ENOX1: variants seen among roughly 807,000 people sequenced by gnomAD.
The protein encoded by ENOX1 is candidate growth-related and time keeping constitutive hydroquinone (NADH) oxidase.
A neutral mutation model predicts 82.5 loss-of-function variants in ENOX1; 42 were observed. The ratio of observed to expected loss-of-function variants is 0.51; its 90% CI spans 0.40 to 0.66. The LOEUF is 0.66. ENOX1 is among the 30% of genes least tolerant of loss of function. The probability of loss-of-function intolerance (pLI) is 0.00; values close to 1 mark genes in which losing one functional copy is unlikely to be tolerated. For missense variants in ENOX1, 608 were observed against 811.6 expected (o/e 0.75, Z 3.05); for synonymous variants, 271 against 282.2 (o/e 0.96, Z 0.40).
At chr13:43,569,571 C>T (rs2080079828) in intron 2 of ENOX1, among the ~76,000 whole-genome samples, 1 of 152,062 alleles carries the variant, frequency 6.6e-6, no homozygotes, top group South Asian at 2.1e-4. Context: ...GAAGGGTCCC[C>T]TGGCATTACT....
chr13:43,293,048 T>C (rs2046090396), intron 12 of ENOX1, among the ~76,000 whole-genome samples: 4 of 145,510 alleles, frequency 2.7e-5, no homozygotes, highest in South Asian at 2.3e-4. Context: ...ACCTTCACCA[T>C]CACAGCCACC....
At chr13:43,379,066 C>T (rs2051845338) in intron 5 of ENOX1, among the ~76,000 whole-genome samples, 1 of 152,042 alleles carries the variant, frequency 6.6e-6, no homozygotes, top group Non-Finnish European at 1.5e-5. Flanking sequence ...AAAACATAGG[C>T]AACATCTAGA....
intron 2 of ENOX1, among the ~76,000 whole-genome samples, chr13:43,610,904 TC>T (rs2082173148): frequency 6.6e-6 from 1 of 152,218 alleles, no homozygotes; most frequent in Admixed American, 6.5e-5. Context: ...TGTAAGAATT[TC>T]AACTGACAGT....
chr13:43,374,399 C>T (rs948025022), intron 5 of ENOX1, among the ~76,000 whole-genome samples: 1 of 151,836 alleles, frequency 6.6e-6, no homozygotes, highest in South Asian at 2.1e-4. Context: ...GTGTGTGCCA[C>T]CACACCTGGC....
chr13:43,691,278 C>T (rs1161525632), intron 1 of ENOX1, among the ~76,000 whole-genome samples: 2 of 152,072 alleles, frequency 1.3e-5, no homozygotes, highest in African/African-American at 4.8e-5. Flanking sequence ...TTCTCTCCCC[C>T]ACCACCCCTA....
chr13:43,232,895 C>A (rs1029010460), intron 15 of ENOX1, among the ~76,000 whole-genome samples: 2 of 152,112 alleles, frequency 1.3e-5, no homozygotes, highest in Non-Finnish European at 2.9e-5. Context: ...TAGAGTGATA[C>A]GGACCCAGAG....
At chr13:43,526,487 C>T (rs2077996482) in intron 2 of ENOX1, among the ~76,000 whole-genome samples, 2 of 151,742 alleles carry the variant, frequency 1.3e-5, no homozygotes, top group African/African-American at 4.8e-5. Flanking sequence ...TTCTAAAATA[C>T]TGAAAAAAAA....
chr13:43,288,646 G>T (rs901378433), intron 12 of ENOX1, among the ~76,000 whole-genome samples: 1 of 152,090 alleles, frequency 6.6e-6, no homozygotes, highest in Non-Finnish European at 1.5e-5. Flanking sequence ...ATATATTAAA[G>T]ATATTAGGAT....
chr13:43,225,346 A>G (rs1366874445), intron 15 of ENOX1, among the ~76,000 whole-genome samples: 2 of 152,154 alleles, frequency 1.3e-5, no homozygotes, highest in African/African-American at 4.8e-5. Flanking sequence ...GTTCAGTCAT[A>G]CCCCAAACCT....
chr13:43,370,520 A>G (rs2051164733), intron 5 of ENOX1, among the ~76,000 whole-genome samples: 1 of 152,152 alleles, frequency 6.6e-6, no homozygotes, highest in South Asian at 2.1e-4. Flanking sequence ...TTAGGCTGGA[A>G]GCTCATGTGT....
intron 2 of ENOX1, among the ~76,000 whole-genome samples, chr13:43,619,119 C>A (rs889506612): frequency 6.6e-6 from 1 of 151,656 alleles, no homozygotes; most frequent in Non-Finnish European, 1.5e-5. Flanking sequence ...ATTCTTTTAT[C>A]AGTTCTAGAA....
rs2085217179 is a variant in ENOX1 at position 43,670,670 on chromosome 13, A to G, written c.-284-3126T>C. 3.3e-5 allele frequency among the ~76,000 whole-genome samples: 5 copies of G among 152,102 alleles called. No homozygotes were observed. In the South Asian group the frequency reaches 8.3e-4, roughly 25 times the overall value. On this transcript the variant is annotated intron_variant, in intron 1 of 16. Transcript: ENST00000690772. ...GGAGTTCGAGACCAACCTAGCCAAC[A>G]TGATGAAACCCCACTTCCACTAAAA...
chr13:43,249,707 T>C (rs2043342184), intron 14 of ENOX1, among the ~76,000 whole-genome samples: 1 of 152,160 alleles, frequency 6.6e-6, no homozygotes, highest in Admixed American at 6.5e-5. Flanking sequence ...AGTGGTAAAT[T>C]AGGTCATAAA....
intron 3 of ENOX1, among the ~76,000 whole-genome samples, chr13:43,453,138 T>C (rs1196800647): frequency 1.3e-5 from 2 of 152,204 alleles, no homozygotes; most frequent in African/African-American, 4.8e-5. Context: ...TTTCCTGGCA[T>C]GTCTTGGGCT....
At chr13:43,620,159 G>A (rs2082660378) in intron 2 of ENOX1, among the ~76,000 whole-genome samples, 1 of 151,836 alleles carries the variant, frequency 6.6e-6, no homozygotes, top group South Asian at 2.1e-4. Context: ...GATTAATCTT[G>A]CCAATGGTCT....
intron 9 of ENOX1, among the ~76,000 whole-genome samples, chr13:43,327,919 T>C (rs995482968): frequency 6.6e-6 from 1 of 152,170 alleles, no homozygotes; most frequent in Non-Finnish European, 1.5e-5. Flanking sequence ...GCTTTTATCT[T>C]TTTGCTATTA....
intron 5 of ENOX1, among the ~76,000 whole-genome samples, chr13:43,368,057 A>T (rs932270947): frequency 6.6e-6 from 1 of 152,242 alleles, no homozygotes; most frequent in African/African-American, 2.4e-5. Context: ...AGAATACTTT[A>T]CAAGGTGAGT....
At chr13:43,488,084 A>G (rs1213229394) in intron 2 of ENOX1, among the ~76,000 whole-genome samples, 1 of 152,190 alleles carries the variant, frequency 6.6e-6, no homozygotes. Context: ...AGAGGAGCTA[A>G]AAGCCCACAG....
chr13:43,311,734 C>T (rs571489332), intron 11 of ENOX1, among the ~76,000 whole-genome samples: 9 of 152,260 alleles, frequency 5.9e-5, no homozygotes, highest in African/African-American at 1.7e-4. Flanking sequence ...CTATTCTTTC[C>T]CCTTAATCTG....
Sources: allele counts gnomAD v4.1 joint callset (sites outside exome capture counted in the v4.1 genomes callset), GRCh38; gene constraint gnomAD v4.1.1; transcripts MANE v1.5; gene names NCBI Gene and HGNC (gene_info 2026-07-23, HGNC 2026-07-21).